The following RNF114 variants were observed in gnomAD, a reference collection of about 807,000 sequenced individuals.
The protein encoded by RNF114 is E3 ubiquitin-protein ligase RNF114.
Under a neutral mutation model 28.4 loss-of-function variants are expected in RNF114, and 6 were observed. That is an observed-to-expected ratio of 0.21 (90% confidence interval 0.12 to 0.42). The LOEUF is 0.42. Among genes scored for constraint, RNF114 ranks in the 10% least tolerant of loss-of-function variants. The probability of loss-of-function intolerance (pLI) is 1.00; values close to 1 mark genes in which losing one functional copy is unlikely to be tolerated. For synonymous variants in RNF114, 115 were observed against 116.7 expected (o/e 0.99, Z 0.09); for missense variants, 249 against 311.7 (o/e 0.80, Z 1.51).
Position 49,936,514 on chromosome 20 carries a change from G to C in RNF114, c.102G>C (p.Glu34Asp), listed in dbSNP as rs1031417517. Residue 34 changes from glutamate (E) to aspartate (D), a missense_variant, in exon 1 of 6, where the codon GAG becomes GAC. Coordinates refer to ENST00000244061, the MANE Select transcript of RNF114 (RefSeq NM_018683.4). ...LGRFTCPVCL[E>D]VYEKPVQVPC... ...GCTTCACGTGTCCCGTGTGCTTAGAGGTGTACGAGAAGCCGGTACAGGTGC... is the reference window on the plus strand; with the variant it reads ...GCTTCACGTGTCCCGTGTGCTTAGACGTGTACGAGAAGCCGGTACAGGTGC... The C allele has an allele frequency of 2.5e-6, 4 of 1,584,610 alleles. No homozygotes were observed. In the South Asian group the frequency reaches 3.4e-5, roughly 14 times the overall value.
At chr20:49,939,752 T>TAAA (rs935830658) in intron 1 of RNF114, among the ~76,000 whole-genome samples, 7 of 136,886 alleles carry the variant, frequency 5.1e-5, no homozygotes, top group Admixed American at 7.4e-5. Flanking sequence ...CCTTCTCACC[T>TAAA]AAAAAAAAAA....
intron 2 of RNF114, among the ~76,000 whole-genome samples, chr20:49,942,986 C>T (rs1052361106): frequency 7.6e-6 from 1 of 131,382 alleles, no homozygotes; most frequent in African/African-American, 2.9e-5. Flanking sequence ...TAAATGTACA[C>T]TCATTCCCAA....
At chr20:49,937,766 T>G (rs2090293408) in intron 1 of RNF114, among the ~76,000 whole-genome samples, 2 of 152,110 alleles carry the variant, frequency 1.3e-5, no homozygotes, top group African/African-American at 4.8e-5. Context: ...CCATCTAAAT[T>G]ACTTCCCCCA....
At chr20:49,941,757 T>C (rs367614479) in intron 2 of RNF114, 46 bp downstream of exon 2, 17 of 1,593,436 alleles carry the variant, frequency 1.1e-5, no homozygotes, top group South Asian at 8.9e-5. Context: ...CCATGATAAG[T>C]TGGGGTAAAA....
At chr20:49,943,180 A>G (rs574561361) in intron 2 of RNF114, among the ~76,000 whole-genome samples, 2 of 152,010 alleles carry the variant, frequency 1.3e-5, no homozygotes, top group East Asian at 3.9e-4. Context: ...GAATAGGGCT[A>G]TTTTCTGTGT....
In RNF114 at chr20:49,945,382, T is replaced by A; in HGVS notation, c.292T>A (p.Phe98Ile). The change falls in exon 3 of 6, where the codon TTC becomes ATC. Residue 98 changes from phenylalanine (F) to isoleucine (I), a missense_variant and splice_region_variant. Transcript: ENST00000244061. ...TGGGCTCTGATTCTTCCTATTTGAG[T>A]TCTTCCTGTCCAAGATCCGGTCCCA... ...ETSCHGCRKN[F>I]FLSKIRSHVA... 1 of 1,603,274 alleles carries A rather than the reference T, an allele frequency of 6.2e-7. No individual in the cohort carries two copies. Among genetic ancestry groups the A allele is most frequent in the Non-Finnish European group, 8.5e-7 (1 of 1,170,170 alleles).
intron 5 of RNF114, among the ~76,000 whole-genome samples, chr20:49,951,460 A>C (rs2090354989): frequency 6.6e-6 from 1 of 152,158 alleles, no homozygotes; most frequent in African/African-American, 2.4e-5. Context: ...AGCTCAGTGC[A>C]TCTGCGTGCT....
intron 2 of RNF114, chr20:49,944,360 G>A (rs1281877352): frequency 3.9e-5 from 6 of 152,188 alleles, no homozygotes; most frequent in East Asian, 1.9e-4. Flanking sequence ...ACCGTACTCC[G>A]CCCATGATGG....
intron 2 of RNF114, 178 bp downstream of exon 2, chr20:49,941,889 G>A (rs1207595860): frequency 1.8e-6 from 1 of 560,586 alleles, no homozygotes; most frequent in East Asian, 3.4e-5. Flanking sequence ...ACTGGTTTTT[G>A]TTTCTTTTTT....
chr20:49,936,753 C>A (rs558211898), intron 1 of RNF114, among the ~76,000 whole-genome samples: 2 of 152,232 alleles, frequency 1.3e-5, no homozygotes, highest in African/African-American at 4.8e-5. Context: ...GTATCCCGTT[C>A]CTCCGCCCGT....
intron 4 of RNF114, among the ~76,000 whole-genome samples, chr20:49,948,274 T>TGGGGTA (rs1377664202): frequency 6.6e-6 from 1 of 152,154 alleles, no homozygotes; most frequent in Non-Finnish European, 1.5e-5. Context: ...TTCCTTGCTG[T>TGGGGTA]GGGGTAGGGT....
Position 49,941,597 on chromosome 20 carries a change from G to A in RNF114, c.177G>A (p.Pro59=), listed in dbSNP as rs764056847. The A allele has an allele frequency of 1.9e-5, 31 of 1,610,014 alleles. No individual in the cohort carries two copies. Among genetic ancestry groups the A allele is most frequent in the East Asian group, 6.7e-5 (3 of 44,792 alleles). The change falls in exon 2 of 6, where the codon CCG becomes CCA. Residue 59 remains proline, a synonymous_variant. Transcript: ENST00000244061. ...CSACLQECLK[P]KKPVCGVCRS... ...CATGCCTGCAGGAATGTCTGAAGCC[G>A]AAGAAGCCTGTCTGTGGGGTGTGTC...
intron 2 of RNF114, among the ~76,000 whole-genome samples, chr20:49,942,349 T>C (rs563804230): frequency 1.4e-4 from 21 of 152,342 alleles, no homozygotes; most frequent in African/African-American, 4.8e-4. Flanking sequence ...GAGTCAAGTA[T>C]ATTTATTTTC....
intron 1 of RNF114, among the ~76,000 whole-genome samples, chr20:49,938,713 AT>A (rs2090296499): frequency 6.6e-6 from 1 of 152,242 alleles, no homozygotes; most frequent in Non-Finnish European, 1.5e-5. Flanking sequence ...ATCCCAGGAT[AT>A]TTGAGTTGTT....
chr20:49,952,289 G>A lies in RNF114; in HGVS notation c.*148G>A. 1 of 701,710 alleles carries A rather than the reference G, an allele frequency of 1.4e-6. No individual in the cohort carries two copies. The highest frequency in any genetic ancestry group is 1.6e-5 in the South Asian group (1 of 63,908). 43.5% of individuals were successfully genotyped at this position (701,710 alleles called of 1,614,324 possible). ...CAGGGTCACTTCTGACAGGGGAAGTGGGTCCCCAGGTCAGCCCTTCTCTTC... is the reference window on the plus strand; with the variant it reads ...CAGGGTCACTTCTGACAGGGGAAGTAGGTCCCCAGGTCAGCCCTTCTCTTC... On this transcript the variant is annotated 3_prime_UTR_variant, in exon 6 of 6. Coordinates refer to ENST00000244061, the MANE Select transcript of RNF114 (RefSeq NM_018683.4).
intron 1 of RNF114, among the ~76,000 whole-genome samples, chr20:49,939,763 A>C (rs558072532): frequency 6.6e-6 from 1 of 151,982 alleles, no homozygotes; most frequent in Non-Finnish European, 1.5e-5. Context: ...AAAAAAAAAA[A>C]AAACTATAGG....
chr20:49,941,746 T>C (rs905467854), intron 2 of RNF114, 35 bp downstream of exon 2: 2 of 1,595,994 alleles, frequency 1.3e-6, no homozygotes, highest in South Asian at 1.1e-5. Flanking sequence ...TCCATGTCTT[T>C]CCATGATAAG....
At position 49,936,429 on chromosome 20, in the gene RNF114, G is replaced by C; in HGVS notation, c.17G>C (p.Arg6Pro). 1 of 1,522,648 alleles carries C rather than the reference G, an allele frequency of 6.6e-7. No homozygotes were observed. The highest frequency in any genetic ancestry group is 8.8e-7 in the Non-Finnish European group (1 of 1,135,936). The allele number at this position is 1,522,648 out of a possible 1,614,324, so 94.3% of individuals were successfully genotyped here. A position where few individuals can be genotyped will look rare whatever the true frequency, so the allele number is the denominator to read the frequency against. Residue 6 changes from arginine to proline, a missense_variant, in exon 1 of 6, where the codon CGG (arginine) becomes CCG (proline). Coordinates refer to ENST00000244061, the MANE Select transcript of RNF114 (RefSeq NM_018683.4). Reference protein sequence around the residue: MAAQQRDCGGAAQLAG... With the variant: MAAQQPDCGGAAQLAG... ...GGCAGCAAGATGGCGGCGCAACAGC[G>C]GGACTGCGGGGGTGCTGCGCAGCTG...
chr20:49,936,943 C>G (rs2090289584), intron 1 of RNF114, among the ~76,000 whole-genome samples: 1 of 152,110 alleles, frequency 6.6e-6, no homozygotes, highest in Admixed American at 6.6e-5. Flanking sequence ...GGACATTTGG[C>G]GTCGTGTCTA....
Sources: gnomAD v4.1 joint callset for allele counts (sites outside exome capture counted in the v4.1 genomes callset) on GRCh38, gnomAD v4.1.1 for gene constraint, MANE v1.5 for transcripts, NCBI Gene and HGNC (gene_info 2026-07-23, HGNC 2026-07-21) for gene names.